The following GMPS variants were observed in gnomAD, a reference collection of about 807,000 sequenced individuals.
GMPS encodes GMP synthase [glutamine-hydrolyzing].
A neutral mutation model predicts 77.9 loss-of-function variants in GMPS; 15 were observed. The observed-to-expected ratio is 0.19, with a 90% CI of 0.13 to 0.30. The LOEUF is 0.30. GMPS is among the 10% of genes least tolerant of loss of function. The pLI, the probability that GMPS is intolerant of heterozygous loss-of-function variation, is 1.00. For synonymous variants in GMPS, 224 were observed against 275.9 expected (o/e 0.81, Z 1.86); for missense variants, 590 against 838.8 (o/e 0.70, Z 3.66).
At chr3:155,879,029 C>T (rs144414864) in intron 1 of GMPS, among the ~76,000 whole-genome samples, 108 of 152,168 alleles carry the variant, frequency 7.1e-4, no homozygotes, top group African/African-American at 2.6e-3. Context: ...TTGACTTTCC[C>T]CTGCCTTGAC....
rs145921544 is a variant in GMPS at position 155,870,816 on chromosome 3, T to A, written c.-55T>A. 5,913 of 1,258,744 alleles carry A rather than the reference T, an allele frequency of 4.7e-3. 243 individuals carry two copies. In the African/African-American group the frequency reaches 0.08, roughly 17 times the overall value. The allele number at this position is 1,258,744 out of a possible 1,614,324, so 78.0% of individuals were successfully genotyped here. A position where few individuals can be genotyped will look rare whatever the true frequency, so the allele number is the denominator to read the frequency against. On this transcript the variant is annotated 5_prime_UTR_variant, in exon 1 of 16. Transcript: ENST00000496455. ...CGCGGCGCCGACCCTTCCGGCACCC[T>A]CCCGCCCCGTCTCGTACTGTCGCCG...
intron 1 of GMPS, among the ~76,000 whole-genome samples, chr3:155,886,412 A>G (rs1357092043): frequency 6.6e-6 from 1 of 151,132 alleles, no homozygotes; most frequent in African/African-American, 2.4e-5. Flanking sequence ...CGTCTCTACT[A>G]AAAATATGAA....
In GMPS at chr3:155,931,683, T is replaced by TTAAAA. The variant is rs745576751; in HGVS notation, c.1561-82_1561-81insTAAAA. The TTAAAA allele has an allele frequency of 3.8e-3, 1,521 of 398,660 alleles. 23 individuals carry two copies. The highest frequency in any genetic ancestry group is 0.01 in the African/African-American group (450 of 44,418). 24.7% of individuals were successfully genotyped at this position (398,660 alleles called of 1,614,324 possible). The stretch of plus-strand genomic sequence containing the variant: ...TTCAATGCATCTTTTCTTTTTTTTT[T>TTAAAA]AAAAAAAAAAAAAAGCTTTGTCAAG... On this transcript the variant is annotated intron_variant, in intron 12 of 15. Coordinates refer to ENST00000496455, the MANE Select transcript of GMPS (RefSeq NM_003875.3).
chr3:155,914,756 G>GT (rs1436986219), intron 8 of GMPS, among the ~76,000 whole-genome samples, 186 bp downstream of exon 8: 1 of 151,100 alleles, frequency 6.6e-6, no homozygotes, highest in Non-Finnish European at 1.5e-5. Context: ...TTTTTTTGTT[G>GT]TTGTTTGGTT....
chr3:155,937,773 GAA>G lies in GMPS; in HGVS notation c.*84_*85del. The stretch of plus-strand genomic sequence containing the variant: ...TCCCATTATTGACATGCAGTACTGT[GAA>G]AAGAGTTACTGGAGCAGCTACATCA... On this transcript the variant is annotated 3_prime_UTR_variant, in exon 16 of 16. Transcript: ENST00000496455. The G allele has an allele frequency of 1.4e-6, 1 of 717,826 alleles. No homozygotes were observed. Among genetic ancestry groups the G allele is most frequent in the Non-Finnish European group, 2.5e-6 (1 of 403,700 alleles). The allele number at this position is 717,826 out of a possible 1,614,324, so 44.5% of individuals were successfully genotyped here. A position where few individuals can be genotyped will look rare whatever the true frequency, so the allele number is the denominator to read the frequency against.
In GMPS at chr3:155,925,696, T is replaced by C. The variant is rs566299432; in HGVS notation, c.1560+330T>C. Among the ~76,000 whole-genome samples, 9 of 152,296 alleles carry C rather than the reference T, an allele frequency of 5.9e-5. No individual in the cohort carries two copies. The East Asian group carries it at 1.7e-3, about 29-fold the overall frequency. ...TATGAACTCTAACCAAAGGTAAATATTGAAAGCAACCCTTTCCTATAGGGT... is the reference window on the plus strand; with the variant it reads ...TATGAACTCTAACCAAAGGTAAATACTGAAAGCAACCCTTTCCTATAGGGT... On this transcript the variant is annotated intron_variant, in intron 12 of 15. Coordinates refer to ENST00000496455, the MANE Select transcript of GMPS (RefSeq NM_003875.3).
rs1753882048 is a variant in GMPS at position 155,870,691 on chromosome 3, C to T, written c.-180C>T. The T allele has an allele frequency of 3.8e-6, 2 of 519,648 alleles. No individual in the cohort carries two copies. The highest frequency in any genetic ancestry group is 4.8e-5 in the South Asian group (2 of 41,800). The allele number at this position is 519,648 out of a possible 1,614,324, so 32.2% of individuals were successfully genotyped here. A position where few individuals can be genotyped will look rare whatever the true frequency, so the allele number is the denominator to read the frequency against. ...GTCTTCTCTCCCGCGGCGCTGGGGCCCGCGCTCCGCTGCTGTTGCTCCATT... is the reference window on the plus strand; with the variant it reads ...GTCTTCTCTCCCGCGGCGCTGGGGCTCGCGCTCCGCTGCTGTTGCTCCATT... On this transcript the variant is annotated 5_prime_UTR_variant, in exon 1 of 16. Transcript: ENST00000496455.
intron 4 of GMPS, 57 bp from the exon 5 acceptor site, chr3:155,906,103 C>T: frequency 9.9e-7 from 1 of 1,009,542 alleles, no homozygotes; most frequent in Non-Finnish European, 1.5e-6. Context: ...AACAAAAGAA[C>T]CCATGAATCA....
At chr3:155,896,496 G>T (rs1577510204) in intron 2 of GMPS, among the ~76,000 whole-genome samples, 1 of 151,942 alleles carries the variant, frequency 6.6e-6, no homozygotes, top group East Asian at 1.9e-4. Flanking sequence ...AGTTCAAAAG[G>T]TGCTTTTGAG....
intron 12 of GMPS, among the ~76,000 whole-genome samples, chr3:155,926,839 A>T (rs2108134527): frequency 6.6e-6 from 1 of 152,162 alleles, no homozygotes; most frequent in East Asian, 1.9e-4. Context: ...AGCCTGACCA[A>T]CATGCAGAAA....
intron 1 of GMPS, among the ~76,000 whole-genome samples, chr3:155,882,478 C>A (rs1423821702): frequency 2.6e-5 from 4 of 152,142 alleles, no homozygotes; most frequent in Non-Finnish European, 5.9e-5. Flanking sequence ...ACCAGCTTAT[C>A]CGTCATTATC....
intron 3 of GMPS, among the ~76,000 whole-genome samples, chr3:155,898,732 A>G (rs1560042068): frequency 6.6e-6 from 1 of 152,112 alleles, no homozygotes; most frequent in Non-Finnish European, 1.5e-5. Context: ...ATGATTCCTC[A>G]TTGTTAGATT....
chr3:155,898,738 A>G (rs546682768), intron 3 of GMPS, among the ~76,000 whole-genome samples: 1 of 152,312 alleles, frequency 6.6e-6, no homozygotes, highest in East Asian at 1.9e-4. Context: ...CCTCATTGTT[A>G]GATTCAGGTT....
intron 1 of GMPS, among the ~76,000 whole-genome samples, chr3:155,878,761 C>T (rs188110822): frequency 6.6e-6 from 1 of 152,070 alleles, no homozygotes; most frequent in South Asian, 2.1e-4. Context: ...CTGAGAAGTC[C>T]CACGATAGAC....
chr3:155,933,116 C>T (rs761786933), intron 13 of GMPS, among the ~76,000 whole-genome samples: 6 of 151,958 alleles, frequency 3.9e-5, no homozygotes, highest in South Asian at 4.1e-4. Flanking sequence ...GGTGTGAACC[C>T]GGGAGACAGA....
At position 155,939,203 on chromosome 3, in the gene GMPS, C is replaced by G. The variant is rs1450108196; in HGVS notation, c.*1511C>G. ...AAAACTTAAAGGGTACATTCTCTAT[C>G]TGATGAGGAGGTACTCATTATGGCC... On this transcript the variant is annotated 3_prime_UTR_variant, in exon 16 of 16. Coordinates refer to ENST00000496455, the MANE Select transcript of GMPS (RefSeq NM_003875.3). The G allele has an allele frequency of 2.3e-5, 5 of 220,824 alleles. No individual in the cohort carries two copies. The highest frequency in any genetic ancestry group is 3.6e-5 in the Non-Finnish European group (4 of 110,298). The allele number at this position is 220,824 out of a possible 1,614,324, so 13.7% of individuals were successfully genotyped here.
intron 13 of GMPS, among the ~76,000 whole-genome samples, chr3:155,933,117 G>A (rs578185483): frequency 3.0e-4 from 46 of 152,218 alleles, no homozygotes; most frequent in African/African-American, 6.3e-4. Flanking sequence ...GTGTGAACCC[G>A]GGAGACAGAG....
intron 1 of GMPS, among the ~76,000 whole-genome samples, chr3:155,879,885 C>T (rs1754170810): frequency 6.6e-6 from 1 of 151,816 alleles, no homozygotes; most frequent in Admixed American, 6.6e-5. Context: ...CGCCTGCCAC[C>T]ATGCCCAGCT....
chr3:155,916,241 TC>T, intron 9 of GMPS, 49 bp downstream of exon 9: 1 of 1,146,860 alleles, frequency 8.7e-7, no homozygotes, highest in Middle Eastern at 1.9e-4. Flanking sequence ...TGGAAAGTCT[TC>T]CATTCTTCCC....
Sources: allele counts gnomAD v4.1 joint callset (sites outside exome capture counted in the v4.1 genomes callset), GRCh38; gene constraint gnomAD v4.1.1; transcripts MANE v1.5; gene names NCBI Gene and HGNC (gene_info 2026-07-23, HGNC 2026-07-21).